The following LHFPL3 variants were observed in gnomAD, a reference collection of about 807,000 sequenced individuals.
LHFPL3 encodes the protein LHFPL tetraspan subfamily member 3.
In LHFPL3, 5 loss-of-function variants were observed where a neutral mutation model predicts 19.3. That is an observed-to-expected ratio of 0.26 (90% CI 0.14 to 0.54). The LOEUF (loss-of-function observed/expected upper bound fraction) is 0.54, where lower values mean the gene tolerates loss of function less well. Ranked by LOEUF, LHFPL3 falls within the 20% of genes least tolerant of loss-of-function variation. LHFPL3 has a pLI of 0.94. For synonymous variants in LHFPL3, 133 were observed against 126.2 expected, an observed-to-expected ratio of 1.05 and a Z score of -0.36; for missense variants, 249 against 307.4, an observed-to-expected ratio of 0.81 and a Z score of 1.42.
intron 1 of LHFPL3, among the ~76,000 whole-genome samples, chr7:104,393,614 G>C (rs569317464): frequency 7.2e-4 from 109 of 152,238 alleles, no homozygotes; most frequent in Non-Finnish European, 1.4e-3. Flanking sequence ...TACTCAGGAG[G>C]CTGAGGCAAG....
At chr7:104,508,423 C>G (rs1255159797) in intron 1 of LHFPL3, among the ~76,000 whole-genome samples, 6 of 129,218 alleles carry the variant, frequency 4.6e-5, no homozygotes, top group Admixed American at 9.6e-5. Flanking sequence ...ATCACATGGA[C>G]ACAGGAAGGG....
intron 1 of LHFPL3, among the ~76,000 whole-genome samples, chr7:104,496,290 G>C (rs1013082114): frequency 6.6e-6 from 1 of 152,200 alleles, no homozygotes; most frequent in Non-Finnish European, 1.5e-5. Context: ...CCCTACAAAG[G>C]ACATGAATTC....
At chr7:104,502,707 C>T (rs1562918012) in intron 1 of LHFPL3, among the ~76,000 whole-genome samples, 3 of 152,244 alleles carry the variant, frequency 2.0e-5, no homozygotes, top group South Asian at 4.2e-4. Flanking sequence ...TGTGACTTGC[C>T]TAAAGTGCTT....
chr7:104,475,120 T>C (rs576018623), intron 1 of LHFPL3, among the ~76,000 whole-genome samples: 2 of 152,326 alleles, frequency 1.3e-5, no homozygotes, highest in South Asian at 4.1e-4. Flanking sequence ...AAAACACCGC[T>C]TGTAAGCTAT....
intron 1 of LHFPL3, chr7:104,668,588 G>A (rs948342415): frequency 6.2e-7 from 1 of 1,612,718 alleles, no homozygotes; most frequent in African/African-American, 1.3e-5. Flanking sequence ...TTGGCAGTGG[G>A]TATCGCAGGG....
intron 2 of LHFPL3, among the ~76,000 whole-genome samples, chr7:104,867,656 G>A (rs1021328964): frequency 6.6e-6 from 1 of 152,150 alleles, no homozygotes; most frequent in African/African-American, 2.4e-5. Context: ...GGTACAAGGA[G>A]GAGCTGGTAC....
intron 1 of LHFPL3, among the ~76,000 whole-genome samples, chr7:104,385,420 G>A (rs1198668560): frequency 6.6e-6 from 1 of 152,134 alleles, no homozygotes; most frequent in Non-Finnish European, 1.5e-5. Context: ...TTAATGAGAA[G>A]CTGTCCTAAA....
chr7:104,892,315 G>A (rs1792264461), intron 2 of LHFPL3, among the ~76,000 whole-genome samples: 1 of 152,092 alleles, frequency 6.6e-6, no homozygotes, highest in African/African-American at 2.4e-5. Context: ...CAAAATAATA[G>A]TGGCACATTT....
intron 1 of LHFPL3, among the ~76,000 whole-genome samples, chr7:104,329,753 G>A (rs1462984030): frequency 6.6e-6 from 1 of 152,190 alleles, no homozygotes; most frequent in Non-Finnish European, 1.5e-5. Context: ...ATCCCGGGCA[G>A]TTAAATATGT....
At chr7:104,490,461 A>G (rs1793321393) in intron 1 of LHFPL3, among the ~76,000 whole-genome samples, 1 of 152,192 alleles carries the variant, frequency 6.6e-6, no homozygotes, top group Admixed American at 6.5e-5. Context: ...CAAAGGGTAC[A>G]GCAAATGCAT....
intron 1 of LHFPL3, among the ~76,000 whole-genome samples, chr7:104,644,761 C>T (rs932512503): frequency 2.0e-5 from 3 of 151,940 alleles, no homozygotes; most frequent in Non-Finnish European, 4.4e-5. Flanking sequence ...CCCCTCCCTG[C>T]TGCCCATGTG....
chr7:104,400,068 C>T (rs1381446538), intron 1 of LHFPL3, among the ~76,000 whole-genome samples: 3 of 131,950 alleles, frequency 2.3e-5, no homozygotes, highest in Non-Finnish European at 4.6e-5. Flanking sequence ...TACACCATTG[C>T]CCTCCAGCCT....
At chr7:104,531,407 AG>A (rs1794291192) in intron 1 of LHFPL3, among the ~76,000 whole-genome samples, 1 of 152,160 alleles carries the variant, frequency 6.6e-6, no homozygotes, top group Admixed American at 6.5e-5. Flanking sequence ...TTCTAGTGGG[AG>A]GGGTAAACTT....
chr7:104,528,156 A>T (rs960514224), intron 1 of LHFPL3, among the ~76,000 whole-genome samples: 1 of 152,224 alleles, frequency 6.6e-6, no homozygotes, highest in Non-Finnish European at 1.5e-5. Flanking sequence ...TTGCTTTTAC[A>T]TCAGGAATTC....
At chr7:104,725,403 A>G (rs1793570970) in intron 1 of LHFPL3, among the ~76,000 whole-genome samples, 1 of 152,220 alleles carries the variant, frequency 6.6e-6, no homozygotes, top group South Asian at 2.1e-4. Flanking sequence ...AATGTAAGTT[A>G]TTCTTCAGGT....
chr7:104,792,525 G>A (rs547001038), intron 2 of LHFPL3, among the ~76,000 whole-genome samples: 6 of 152,260 alleles, frequency 3.9e-5, no homozygotes, highest in African/African-American at 9.6e-5. Flanking sequence ...CCTCGAGACT[G>A]CTGCCTCTGG....
chr7:104,402,663 CCCAGGG>C (rs1045752887), intron 1 of LHFPL3, among the ~76,000 whole-genome samples: 5 of 152,328 alleles, frequency 3.3e-5, no homozygotes, highest in African/African-American at 1.2e-4. Flanking sequence ...AAGAGCCACC[CCCAGGG>C]CCAGGGCCTC....
intron 2 of LHFPL3, among the ~76,000 whole-genome samples, chr7:104,771,478 T>C (rs1214970979): frequency 6.6e-6 from 1 of 152,192 alleles, no homozygotes; most frequent in African/African-American, 2.4e-5. Flanking sequence ...ATTTGATACA[T>C]TATTTGCTTC....
At position 104,372,550 on chromosome 7, in the gene LHFPL3, T is replaced by G. The variant is rs73403831; in HGVS notation, c.445+43326T>G. On this transcript the variant is annotated intron_variant, in intron 1 of 2. Coordinates refer to ENST00000424859, the MANE Select transcript of LHFPL3 (RefSeq NM_199000.3). Reference sequence around the variant, plus strand: ...AGGCAATATGCTGTGGAGGAGAAGCTCTGATCCTCAAAAGAAAAGGTCTAA... The same window carrying G: ...AGGCAATATGCTGTGGAGGAGAAGCGCTGATCCTCAAAAGAAAAGGTCTAA... 4.9e-3 allele frequency among the ~76,000 whole-genome samples: 740 copies of G among 152,288 alleles called. 9 individuals carry two copies. Among genetic ancestry groups the G allele is most frequent in the African/African-American group, 0.017 (707 of 41,552 alleles).
Sources: gnomAD v4.1 joint callset for allele counts (sites outside exome capture counted in the v4.1 genomes callset) on GRCh38, gnomAD v4.1.1 for gene constraint, MANE v1.5 for transcripts, NCBI Gene and HGNC (gene_info 2026-07-23, HGNC 2026-07-21) for gene names.